Variants in LRCH1 observed in about 807,000 individuals in gnomAD.
LRCH1 encodes the protein leucine rich repeats and calponin homology domain containing 1.
In LRCH1, 23 loss-of-function variants were observed where a neutral mutation model predicts 94.9. The observed-to-expected ratio is 0.24, with a 90% CI of 0.17 to 0.34. LRCH1 has a LOEUF of 0.34. Ranked by LOEUF, LRCH1 falls within the 10% of genes least tolerant of loss-of-function variation. LRCH1 has a pLI of 1.00. For missense variants in LRCH1, 790 were observed against 945.9 expected (o/e 0.84, Z 2.16); for synonymous variants, 364 against 354.9 (o/e 1.03, Z -0.29).
intron 1 of LRCH1, among the ~76,000 whole-genome samples, chr13:46,600,612 C>T (rs541512033): frequency 1.7e-5 from 2 of 121,010 alleles, no homozygotes; most frequent in East Asian, 4.9e-4. Context: ...ACATCCTGAC[C>T]AGATTTACAC....
At chr13:46,584,396 A>G (rs1029505057) in intron 1 of LRCH1, among the ~76,000 whole-genome samples, 1 of 152,362 alleles carries the variant, frequency 6.6e-6, no homozygotes, top group Middle Eastern at 3.4e-3. Flanking sequence ...CCAAGGCCTC[A>G]TGAATCAGAG....
chr13:46,568,436 T>C (rs566051745), intron 1 of LRCH1, among the ~76,000 whole-genome samples: 1 of 152,330 alleles, frequency 6.6e-6, no homozygotes, highest in South Asian at 2.1e-4. Flanking sequence ...TCAGATTGAA[T>C]CCAGAATTGG....
rs1205748980 is a variant in LRCH1, at chr13:46,743,505, C to G, written c.*1657C>G. The G allele has an allele frequency of 1.0e-6, 1 of 985,680 alleles. No individual in the cohort carries two copies. The highest frequency in any genetic ancestry group is 1.7e-5 in the African/African-American group (1 of 57,224). 61.1% of individuals were successfully genotyped at this position (985,680 alleles called of 1,614,324 possible). A position where few individuals can be genotyped will look rare whatever the true frequency, so the allele number is the denominator to read the frequency against. ...ATTACTTTTGGTGCTATCTTGTACT[C>G]TTCAATCTGTAACACAATAAAATCC... On this transcript the variant is annotated 3_prime_UTR_variant, in exon 20 of 20. Transcript: ENST00000389797.
At chr13:46,645,744 G>T (rs1430004457) in intron 1 of LRCH1, among the ~76,000 whole-genome samples, 1 of 151,860 alleles carries the variant, frequency 6.6e-6, no homozygotes, top group Non-Finnish European at 1.5e-5. Flanking sequence ...TCCTTTAAAA[G>T]GTTCGTAGCT....
At chr13:46,561,466 AT>A (rs1208004443) in intron 1 of LRCH1, among the ~76,000 whole-genome samples, 1 of 152,096 alleles carries the variant, frequency 6.6e-6, no homozygotes, top group Non-Finnish European at 1.5e-5. Flanking sequence ...AGTTTTTCTA[AT>A]CTTCTGGCTT....
At chr13:46,737,466 C>A (rs933735474) in intron 19 of LRCH1, among the ~76,000 whole-genome samples, 1 of 152,148 alleles carries the variant, frequency 6.6e-6, no homozygotes, top group Non-Finnish European at 1.5e-5. Flanking sequence ...GTGGCTGATT[C>A]ATAAATGCAG....
chr13:46,712,917 G>A (rs1011119390), intron 15 of LRCH1, among the ~76,000 whole-genome samples: 6 of 152,144 alleles, frequency 3.9e-5, no homozygotes, highest in Admixed American at 6.6e-5. Context: ...GGCCCCAGTG[G>A]TTCCTGCTGC....
At chr13:46,700,052 T>C (rs1457053695) in intron 10 of LRCH1, among the ~76,000 whole-genome samples, 3 of 152,210 alleles carry the variant, frequency 2.0e-5, no homozygotes, top group Non-Finnish European at 2.9e-5. Flanking sequence ...ATAATCCTTC[T>C]ACTCTATTGT....
chr13:46,597,912 A>AAGCTAAGG (rs1287449398), intron 1 of LRCH1, among the ~76,000 whole-genome samples: 1 of 152,158 alleles, frequency 6.6e-6, no homozygotes, highest in African/African-American at 2.4e-5. Context: ...TTTCCCCCAG[A>AAGCTAAGG]AGCTAAGGAT....
At chr13:46,751,344 T>C (rs538514721) in exon 19 of LRCH1, 1 of 152,276 alleles carries the variant, frequency 6.6e-6, no homozygotes, top group East Asian at 1.9e-4. Flanking sequence ...CAGGTGCTTT[T>C]AGGACACAAC....
At chr13:46,621,026 C>G (rs1026978649) in intron 1 of LRCH1, among the ~76,000 whole-genome samples, 9 of 152,186 alleles carry the variant, frequency 5.9e-5, no homozygotes, top group African/African-American at 2.2e-4. Context: ...TGGCCTCCTC[C>G]TAGAAGACCC....
intron 3 of LRCH1, among the ~76,000 whole-genome samples, chr13:46,672,185 TA>T (rs2138123701): frequency 6.6e-6 from 1 of 152,346 alleles, no homozygotes; most frequent in Admixed American, 6.5e-5. Flanking sequence ...AATATGCATT[TA>T]AGTTTCCTCC....
At chr13:46,609,377 A>C (rs934744564) in intron 1 of LRCH1, among the ~76,000 whole-genome samples, 28 of 152,270 alleles carry the variant, frequency 1.8e-4, no homozygotes, top group African/African-American at 6.5e-4. Context: ...AAGCTTGTGT[A>C]CCACTCGTAT....
intron 1 of LRCH1, among the ~76,000 whole-genome samples, chr13:46,636,123 G>T (rs917268015): frequency 8.0e-6 from 1 of 124,486 alleles, no homozygotes; most frequent in Non-Finnish European, 1.6e-5. Context: ...AGCCTGGAGT[G>T]CAATGGCACG....
chr13:46,661,013 T>A (rs1407476517), intron 2 of LRCH1, among the ~76,000 whole-genome samples: 1 of 152,224 alleles, frequency 6.6e-6, no homozygotes, highest in Non-Finnish European at 1.5e-5. Context: ...TCAGAAATTA[T>A]CTTTGACCCC....
In LRCH1 at chr13:46,742,068, G is replaced by A. The variant is rs541675463; in HGVS notation, c.*220G>A. On this transcript the variant is annotated 3_prime_UTR_variant, in exon 20 of 20. Transcript: ENST00000389797. ...CTCTCACTTACTGAAATACAACGAC[G>A]ACGACTGCAAAGTGTATGCACACCG... 1.2e-5 allele frequency: 17 copies of A among 1,400,702 alleles called. No individual in the cohort carries two copies. Among genetic ancestry groups the A allele is most frequent in the East Asian group, 5.4e-5 (2 of 37,138 alleles). 86.8% of individuals were successfully genotyped at this position (1,400,702 alleles called of 1,614,324 possible).
chr13:46,713,288 T>C (rs1243119477), intron 15 of LRCH1, among the ~76,000 whole-genome samples: 1 of 152,256 alleles, frequency 6.6e-6, no homozygotes, highest in Non-Finnish European at 1.5e-5. Context: ...TTCTTTGTTT[T>C]AATATTTTTG....
chr13:46,599,946 T>C (rs2137979788), intron 1 of LRCH1, among the ~76,000 whole-genome samples: 1 of 152,326 alleles, frequency 6.6e-6, no homozygotes, highest in Admixed American at 6.5e-5. Flanking sequence ...AAACTAAAGG[T>C]ATTTGGCCAT....
At chr13:46,573,295 A>G (rs2050261029) in intron 1 of LRCH1, among the ~76,000 whole-genome samples, 1 of 152,176 alleles carries the variant, frequency 6.6e-6, no homozygotes. Flanking sequence ...AAATGGCTGG[A>G]TGAATGAATG....
Sources: gnomAD v4.1 joint callset for allele counts (sites outside exome capture counted in the v4.1 genomes callset) on GRCh38, gnomAD v4.1.1 for gene constraint, MANE v1.5 for transcripts, NCBI Gene and HGNC (gene_info 2026-07-23, HGNC 2026-07-21) for gene names.